COL28A1: variants seen among roughly 807,000 people sequenced by gnomAD.
The protein encoded by COL28A1 is collagen type XXVIII alpha 1 chain, also known as collagen alpha-1(XXVIII) chain.
A neutral mutation model predicts 150.2 loss-of-function variants in COL28A1; 161 were observed. The ratio of observed to expected loss-of-function variants is 1.07; its 90% CI spans 0.94 to 1.22. The LOEUF is 1.22. Among genes scored for constraint, COL28A1 ranks in the 50% most tolerant of loss-of-function variants. COL28A1 has a pLI of 0.00. For synonymous variants in COL28A1, 552 were observed against 469.7 expected, an observed-to-expected ratio of 1.18 and a Z score of -2.26; for missense variants, 1,617 against 1,388.3, an observed-to-expected ratio of 1.16 and a Z score of -2.62.
rs1313941928 is a variant in COL28A1, at chr7:7,358,723, A to G, written c.3288T>C (p.Ser1096=). 6.2e-7 allele frequency: 1 copy of G among 1,613,978 alleles called. No homozygotes were observed. Among genetic ancestry groups the G allele is most frequent in the African/African-American group, 1.3e-5 (1 of 74,926 alleles). ...VRWYYDKQVN[S]CARFWFSGCN... The stretch of plus-strand genomic sequence containing the variant: ...AGCCACTGAACCAAAATCGGGCACA[A>G]GAGTTGACCTGTTTGTCATAATACC... Residue 1096 remains serine (S), a synonymous_variant, in exon 35 of 35, where the codon TCT becomes TCC. Coordinates refer to ENST00000399429, the MANE Select transcript of COL28A1 (RefSeq NM_001037763.3).
At chr7:7,523,141 A>G (rs1781830383) in intron 4 of COL28A1, among the ~76,000 whole-genome samples, 1 of 147,694 alleles carries the variant, frequency 6.8e-6, no homozygotes, top group Non-Finnish European at 1.5e-5. Context: ...TAAGCTAGCA[A>G]GGGTTTTTTC....
chr7:7,466,367 T>G (rs946168385), intron 15 of COL28A1, among the ~76,000 whole-genome samples: 3 of 144,828 alleles, frequency 2.1e-5, no homozygotes, highest in Non-Finnish European at 4.5e-5. Flanking sequence ...CAATGGAAGA[T>G]GAAATGAATG....
At chr7:7,452,175 A>C in intron 18 of COL28A1, 144 bp downstream of exon 18, 1 of 1,201,258 alleles carries the variant, frequency 8.3e-7, no homozygotes, top group Non-Finnish European at 1.1e-6. Context: ...TTGCAGTAGT[A>C]GTAGCCGCAC....
chr7:7,477,240 T>TTTTC, intron 13 of COL28A1, 60 bp from the exon 14 acceptor site: 2 of 828,444 alleles, frequency 2.4e-6, no homozygotes, highest in Non-Finnish European at 4.2e-6. Flanking sequence ...AGAGGAGTGA[T>TTTTC]GAAAAAGAGG....
At chr7:7,416,412 C>T (rs1012454464) in intron 27 of COL28A1, among the ~76,000 whole-genome samples, 14 of 152,172 alleles carry the variant, frequency 9.2e-5, no homozygotes, top group African/African-American at 2.2e-4. Context: ...TGGAGAAAAC[C>T]GGCCCCAGGC....
intron 27 of COL28A1, among the ~76,000 whole-genome samples, chr7:7,393,745 T>C (rs1008949067): frequency 2.6e-5 from 4 of 152,190 alleles, no homozygotes; most frequent in African/African-American, 7.2e-5. Context: ...CAACTTTCTT[T>C]ACATTGTGAG....
In COL28A1 at chr7:7,373,985, C is replaced by T. The variant is rs1467091701; in HGVS notation, c.2360-439G>A. Among the ~76,000 whole-genome samples, 2 of 146,258 alleles carry T rather than the reference C, an allele frequency of 1.4e-5. No individual in the cohort carries two copies. Among genetic ancestry groups the T allele is most frequent in the African/African-American group, 2.6e-5 (1 of 38,998 alleles). On this transcript the variant is annotated intron_variant, in intron 31 of 34. Transcript: ENST00000399429. The surrounding 1 kb of genome is among the most constrained non-coding windows in gnomAD (Gnocchi z 4.1). ...AAGTGCTGGGATTACAGGCGTGAGCCACCGCGCCCGGCCCCTTCTGGTTTC... is the reference window on the plus strand; with the variant it reads ...AAGTGCTGGGATTACAGGCGTGAGCTACCGCGCCCGGCCCCTTCTGGTTTC...
At chr7:7,365,581 C>A (rs1269591496) in intron 33 of COL28A1, among the ~76,000 whole-genome samples, 2 of 152,152 alleles carry the variant, frequency 1.3e-5, no homozygotes, top group African/African-American at 2.4e-5. Context: ...GGTGCCACAT[C>A]CAAAAGGTCT....
intron 26 of COL28A1, among the ~76,000 whole-genome samples, chr7:7,419,086 A>G (rs970249259): frequency 3.9e-5 from 6 of 152,146 alleles, no homozygotes; most frequent in Admixed American, 1.3e-4. Flanking sequence ...ATTGACATCT[A>G]TTTTCCCTAT....
chr7:7,397,022 C>G (rs1782872603), intron 27 of COL28A1, among the ~76,000 whole-genome samples: 1 of 152,138 alleles, frequency 6.6e-6, no homozygotes, highest in African/African-American at 2.4e-5. Flanking sequence ...CAAGATGCTG[C>G]TGACATTAAT....
chr7:7,507,229 G>A (rs756843388), intron 9 of COL28A1, 68 bp from the exon 10 acceptor site: 4 of 766,518 alleles, frequency 5.2e-6, no homozygotes, highest in Middle Eastern at 4.7e-4. Flanking sequence ...TTTTAGGTAG[G>A]AGGGAAGGAA....
At chr7:7,415,735 T>C (rs1342426767) in intron 27 of COL28A1, among the ~76,000 whole-genome samples, 1 of 152,036 alleles carries the variant, frequency 6.6e-6, no homozygotes, top group Non-Finnish European at 1.5e-5. Flanking sequence ...GGTTTCACCA[T>C]ATTGGTGAGG....
At chr7:7,352,041 C>T (rs376091115), downstream of COL28A1, among the ~76,000 whole-genome samples, 1 of 152,274 alleles carries the variant, frequency 6.6e-6, no homozygotes, top group African/African-American at 2.4e-5. Flanking sequence ...ACTTCATCTG[C>T]ATGACAAAAC....
chr7:7,394,314 T>C (rs967715983), intron 27 of COL28A1, among the ~76,000 whole-genome samples: 1 of 152,128 alleles, frequency 6.6e-6, no homozygotes, highest in African/African-American at 2.4e-5. Flanking sequence ...CAGTTGGAAA[T>C]GCAGAAATCA....
At chr7:7,506,584 C>T (rs1484361419) in intron 10 of COL28A1, among the ~76,000 whole-genome samples, 1 of 152,132 alleles carries the variant, frequency 6.6e-6, no homozygotes, top group African/African-American at 2.4e-5. Flanking sequence ...TCACACAGAG[C>T]ACCATTATAA....
At chr7:7,457,351 G>C (rs569942251) in intron 15 of COL28A1, among the ~76,000 whole-genome samples, 1 of 152,144 alleles carries the variant, frequency 6.6e-6, no homozygotes, top group East Asian at 1.9e-4. Context: ...CCTGGATAAT[G>C]TTGAAGGTAG....
chr7:7,494,921 G>T (rs1780120688), intron 11 of COL28A1, among the ~76,000 whole-genome samples: 1 of 152,066 alleles, frequency 6.6e-6, no homozygotes, highest in Admixed American at 6.6e-5. Flanking sequence ...GAAAAGAAAA[G>T]AAACAAAAGT....
At chr7:7,535,913 G>A (rs749840542), upstream of COL28A1, 8 of 152,118 alleles carry the variant, frequency 5.3e-5, no homozygotes, top group African/African-American at 1.7e-4. Flanking sequence ...ATGTTTATTC[G>A]ACTAAGTCAA....
chr7:7,524,801 C>A (rs891729432), intron 3 of COL28A1, among the ~76,000 whole-genome samples: 1 of 151,950 alleles, frequency 6.6e-6, no homozygotes, highest in African/African-American at 2.4e-5. Flanking sequence ...TTGAGATGAT[C>A]TGAATTATGA....
Sources: gnomAD v4.1 joint callset for allele counts (sites outside exome capture counted in the v4.1 genomes callset) on GRCh38, gnomAD v4.1.1 for gene constraint, Gnocchi (gnomAD v3.1) non-coding constraint, MANE v1.5 for transcripts, NCBI Gene and HGNC (gene_info 2026-07-23, HGNC 2026-07-21) for gene names.